ADAM28: variants seen among roughly 807,000 people sequenced by gnomAD.
The protein encoded by ADAM28 is ADAM metallopeptidase domain 28.
Under a neutral mutation model 101.2 loss-of-function variants are expected in ADAM28, and 105 were observed. The observed-to-expected ratio is 1.04, with a 90% CI of 0.89 to 1.22. The LOEUF is 1.22. ADAM28 is among the 50% of genes most tolerant of loss of function. The probability of loss-of-function intolerance (pLI) is 0.00; values close to 1 mark genes in which losing one functional copy is unlikely to be tolerated. For missense variants in ADAM28, 1,028 were observed against 945.4 expected, an observed-to-expected ratio of 1.09 and a Z score of -1.15; for synonymous variants, 322 against 310.6, an observed-to-expected ratio of 1.04 and a Z score of -0.39.
intron 2 of ADAM28, among the ~76,000 whole-genome samples, chr8:24,305,364 A>G (rs974818539): frequency 5.2e-5 from 7 of 134,946 alleles, no homozygotes; most frequent in African/African-American, 1.8e-4. Context: ...AAGTGTGTGT[A>G]TGTGTGTGTG....
rs770896067 is a variant in ADAM28 at position 24,343,199 on chromosome 8, G to A, written c.1911+18G>A. On this transcript the variant is annotated intron_variant, in intron 17 of 22. Transcript: ENST00000265769. ...GACATGCTGTAAGTTCTGAAAATAT[G>A]TTTCCCTAAGCTCTCTGAATCTTAT... is the stretch of plus-strand genomic sequence containing the variant. 104 of 1,610,202 alleles carry A rather than the reference G, an allele frequency of 6.5e-5. No homozygotes were observed. Among genetic ancestry groups the A allele is most frequent in the Non-Finnish European group, 8.1e-5 (95 of 1,176,732 alleles).
chr8:24,346,368 T>C lies in ADAM28; in HGVS notation c.1990+2784T>C, dbSNP rs115779089. Among the ~76,000 whole-genome samples the C allele has an allele frequency of 5.8e-3, 880 of 152,192 alleles. 4 individuals are homozygous for C. Among genetic ancestry groups the C allele is most frequent in the African/African-American group, 0.02 (828 of 41,566 alleles). On this transcript the variant is annotated intron_variant, in intron 18 of 22. Transcript: ENST00000265769. ...TTTGAAATTTTGGTAATTACTGACC[T>C]ACTGTTAGAACTGATTATTTCAGAG...
At chr8:24,306,355 A>ATATATATTTATATATATATATAT in intron 2 of ADAM28, among the ~76,000 whole-genome samples, 1 of 107,782 alleles carries the variant, frequency 9.3e-6, no homozygotes, top group East Asian at 3.8e-4. Context: ...AATACAAATA[A>ATATATATTTATATATATATATAT]ATAAATAAAT....
At chr8:24,305,762 G>C (rs1253585779) in intron 2 of ADAM28, among the ~76,000 whole-genome samples, 1 of 151,914 alleles carries the variant, frequency 6.6e-6, no homozygotes, top group African/African-American at 2.4e-5. Context: ...TGCTCCCTTT[G>C]GTTGAAGAGT....
In ADAM28 at chr8:24,302,913, T is replaced by TC. The variant is rs1420130636; in HGVS notation, c.150+2842dup. On this transcript the variant is annotated intron_variant, in intron 2 of 22. Coordinates refer to ENST00000265769, the MANE Select transcript of ADAM28 (RefSeq NM_014265.6). Reference sequence around the variant, plus strand: ...TAGGTATATCTCCTAATGCTATCCCTCCCCCCTCCCCCCTCCCCACAACAA... The same window carrying TC: ...TAGGTATATCTCCTAATGCTATCCCTCCCCCCCTCCCCCCTCCCCACAACAA... Among the ~76,000 whole-genome samples, 3 of 104,162 alleles carry TC rather than the reference T, an allele frequency of 2.9e-5. No individual in the cohort carries two copies. In the East Asian group the frequency reaches 1.0e-3, roughly 35 times the overall value. The allele number at this position is 104,162 out of a possible 152,430, so 68.3% of individuals were successfully genotyped here. A position where few individuals can be genotyped will look rare whatever the true frequency, so the allele number is the denominator to read the frequency against.
intron 6 of ADAM28, 132 bp from the exon 7 acceptor site, chr8:24,320,104 G>A (rs1811670961): frequency 4.6e-6 from 3 of 652,952 alleles, no homozygotes; most frequent in East Asian, 5.8e-5. Context: ...TTGAATTGGT[G>A]TTAAAATGCT....
At chr8:24,351,918 T>TA (rs34936025) in intron 20 of ADAM28, 69 bp from the exon 21 acceptor site, 2 of 1,554,906 alleles carry the variant, frequency 1.3e-6, no homozygotes, top group Non-Finnish European at 1.8e-6. Flanking sequence ...AGTGCTTACT[T>TA]AAAAATTACT....
In ADAM28 at chr8:24,357,946, T is replaced by C. The variant is rs1177795326; in HGVS notation, c.*3542T>C. On this transcript the variant is annotated 3_prime_UTR_variant, in exon 23 of 23. Transcript: ENST00000265769. The stretch of plus-strand genomic sequence containing the variant: ...TCTTCCAAATTACTGGTTTTTATAT[T>C]CTGTACTGTCAGTCCTCCTGTTCAC... 1 of 152,176 alleles carries C rather than the reference T, an allele frequency of 6.6e-6. No individual in the cohort carries two copies. Among genetic ancestry groups the C allele is most frequent in the Non-Finnish European group, 1.5e-5 (1 of 68,034 alleles). 9.4% of individuals were successfully genotyped at this position (152,176 alleles called of 1,614,324 possible).
intron 13 of ADAM28, among the ~76,000 whole-genome samples, chr8:24,334,356 T>C (rs1305139943): frequency 6.6e-6 from 1 of 152,162 alleles, no homozygotes; most frequent in Non-Finnish European, 1.5e-5. Context: ...CTCAGACACA[T>C]GCAAAGCCGA....
At chr8:24,346,681 G>C (rs1019034224) in intron 18 of ADAM28, among the ~76,000 whole-genome samples, 1 of 151,924 alleles carries the variant, frequency 6.6e-6, no homozygotes, top group Non-Finnish European at 1.5e-5. Context: ...TAAATATAAA[G>C]GCAAACCTGA....
At chr8:24,331,126 G>A (rs768739298) in intron 11 of ADAM28, 24 bp from the exon 12 acceptor site, 15 of 1,591,428 alleles carry the variant, frequency 9.4e-6, no homozygotes, top group Middle Eastern at 1.7e-4. Context: ...CTATATTCCA[G>A]TTTTTCTTTC....
Position 24,335,473 on chromosome 8 carries a change from C to T in ADAM28, c.1399C>T (p.Pro467Ser). The T allele has an allele frequency of 6.2e-7, 1 of 1,613,364 alleles. No individual in the cohort carries two copies. Among genetic ancestry groups the T allele is most frequent in the South Asian group, 1.1e-5 (1 of 90,938 alleles). Residue 467 changes from proline (P) to serine (S), a missense_variant, in exon 14 of 23, where the codon CCA becomes TCA. Pro to Ser is a moderately conservative substitution (Grantham distance 74, BLOSUM62 -1). Transcript: ENST00000265769. ...QFKKAGMVCR[P>S]AKDECDLPEM... ...TAAAAAGGCTGGGATGGTGTGCAGA[C>T]CAGCAAAAGATGAGTGCGACCTGCC...
chr8:24,338,581 A>G lies in ADAM28; in HGVS notation c.1568-885A>G, dbSNP rs555421433. On this transcript the variant is annotated intron_variant, in intron 14 of 22. Transcript: ENST00000265769. ...ACATTTTACTAAGATACAAATAATA[A>G]AAAGTAACAAAACTCATTTTATCTT... Among the ~76,000 whole-genome samples, 179 of 103,664 alleles carry G rather than the reference A, an allele frequency of 1.7e-3. 1 individual carries two copies. The highest frequency in any genetic ancestry group is 7.5e-3 in the Middle Eastern group (2 of 266). 68.0% of individuals were successfully genotyped at this position (103,664 alleles called of 152,430 possible).
chr8:24,341,459 A>G, intron 15 of ADAM28, 139 bp from the exon 16 acceptor site: 1 of 850,306 alleles, frequency 1.2e-6, no homozygotes, highest in Non-Finnish European at 1.9e-6. Context: ...TTACTGAGAA[A>G]TAAGGGAAAA....
intron 21 of ADAM28, 105 bp from the exon 22 acceptor site, chr8:24,353,665 G>A (rs1816432805): frequency 1.2e-6 from 1 of 805,390 alleles, no homozygotes; most frequent in Non-Finnish European, 2.0e-6. Context: ...ATTTAAATGA[G>A]TGAAGAAGAG....
intron 8 of ADAM28, among the ~76,000 whole-genome samples, chr8:24,322,123 A>C (rs114878826): frequency 6.6e-6 from 1 of 152,010 alleles, no homozygotes; most frequent in African/African-American, 2.4e-5. Context: ...AAAATAATAC[A>C]TTTCCTTTTT....
At chr8:24,326,426 A>T (rs1038746768) in intron 9 of ADAM28, 128 bp from the exon 10 acceptor site, 2 of 837,120 alleles carry the variant, frequency 2.4e-6, no homozygotes, top group African/African-American at 3.5e-5. Flanking sequence ...TCAAAAACTA[A>T]AGAAAAATAT....
chr8:24,342,180 G>A (rs755408817), intron 16 of ADAM28, among the ~76,000 whole-genome samples: 2 of 152,058 alleles, frequency 1.3e-5, no homozygotes, highest in South Asian at 2.1e-4. Flanking sequence ...ACTTAAATAC[G>A]AGTACTGTTT....
intron 1 of ADAM28, among the ~76,000 whole-genome samples, chr8:24,297,141 C>T (rs11992342): frequency 0.067 from 10,073 of 150,072 alleles, 541 homozygotes; most frequent in African/African-American, 0.15. Context: ...CCAATGATTT[C>T]TAAAAGAAAT....
Sources: allele counts gnomAD v4.1 joint callset (sites outside exome capture counted in the v4.1 genomes callset), GRCh38; gene constraint gnomAD v4.1.1; transcripts MANE v1.5; gene names NCBI Gene and HGNC (gene_info 2026-07-23, HGNC 2026-07-21).